The following CSMD1 variants were observed in gnomAD, a reference collection of about 807,000 sequenced individuals.
The protein encoded by CSMD1 is CUB and sushi domain-containing protein 1.
Under a neutral mutation model 417.5 loss-of-function variants are expected in CSMD1, and 213 were observed. That is an observed-to-expected ratio of 0.51 (90% CI 0.46 to 0.57). The LOEUF (loss-of-function observed/expected upper bound fraction) is 0.57. CSMD1 is among the 20% of genes least tolerant of loss of function. The pLI, the probability that CSMD1 is intolerant of heterozygous loss-of-function variation, is 0.00. For synonymous variants in CSMD1, 2,862 were observed against 1,736.8 expected, an observed-to-expected ratio of 1.65 and a Z score of -16.11; for missense variants, 6,923 against 4,529.7, an observed-to-expected ratio of 1.53 and a Z score of -15.17.
rs1178052250 is a variant in CSMD1 at position 3,211,290 on chromosome 8, C to G, written c.4867+3207G>C. Among the ~76,000 whole-genome samples the G allele has an allele frequency of 5.3e-5, 8 of 152,168 alleles. No individual in the cohort carries two copies. The East Asian group carries it at 1.4e-3, about 26-fold the overall frequency. Reference sequence around the variant, plus strand: ...GAATTCTGGTCCTCAAGCGATCCTCCTGCCTTAGTCTCTCAAAGTGCTGAG... The same window carrying G: ...GAATTCTGGTCCTCAAGCGATCCTCGTGCCTTAGTCTCTCAAAGTGCTGAG... On this transcript the variant is annotated intron_variant, in intron 30 of 69. Transcript: ENST00000635120.
chr8:3,333,897 C>T (rs1563282353), intron 23 of CSMD1, among the ~76,000 whole-genome samples: 1 of 152,194 alleles, frequency 6.6e-6, no homozygotes, highest in Admixed American at 6.6e-5. Context: ...TCTGGGAAAT[C>T]TGTGAGTGTC....
At chr8:3,908,174 A>G (rs569857034) in intron 5 of CSMD1, among the ~76,000 whole-genome samples, 1 of 152,264 alleles carries the variant, frequency 6.6e-6, no homozygotes, top group South Asian at 2.1e-4. Flanking sequence ...TGCATCAATG[A>G]CCATGGGCCA....
intron 1 of CSMD1, among the ~76,000 whole-genome samples, chr8:4,962,988 C>T (rs557931994): frequency 9.1e-4 from 139 of 152,056 alleles, no homozygotes; most frequent in African/African-American, 3.0e-3. Context: ...AATCTAGTGA[C>T]GCTATATACG....
rs376669274 is a variant in CSMD1, at chr8:2,962,653, C to A, written c.9455-14G>T. 6.2e-7 allele frequency: 1 copy of A among 1,610,828 alleles called. No individual in the cohort carries two copies. Among genetic ancestry groups the A allele is most frequent in the Non-Finnish European group, 8.5e-7 (1 of 1,177,998 alleles). On this transcript the variant is annotated splice_polypyrimidine_tract_variant and intron_variant, in intron 60 of 69. Transcript: ENST00000635120. ...CGCAGAACACAGCTATGGAAGATAACCAGGAAGAAGTCAGCCTTCAACGTC... is the reference window on the plus strand; with the variant it reads ...CGCAGAACACAGCTATGGAAGATAAACAGGAAGAAGTCAGCCTTCAACGTC...
intron 11 of CSMD1, among the ~76,000 whole-genome samples, chr8:3,474,359 T>C (rs890597891): frequency 1.4e-4 from 21 of 152,168 alleles, no homozygotes; most frequent in African/African-American, 4.8e-4. Flanking sequence ...GTAAATGTTT[T>C]TGACCTCTCT....
chr8:4,402,248 A>G (rs549698217), intron 3 of CSMD1, among the ~76,000 whole-genome samples: 8 of 152,100 alleles, frequency 5.3e-5, no homozygotes, highest in Non-Finnish European at 7.3e-5. Context: ...CCCTCCAGGA[A>G]CATCATAAAC....
intron 2 of CSMD1, among the ~76,000 whole-genome samples, chr8:4,440,651 T>A (rs1798415129): frequency 6.6e-6 from 1 of 152,240 alleles, no homozygotes; most frequent in South Asian, 2.1e-4. Context: ...ATTGATTGCA[T>A]ACATTTGTGC....
rs550877468 is a variant in CSMD1 at position 4,737,499 on chromosome 8, TA to T, written c.86-99942del. 1.5e-3 allele frequency among the ~76,000 whole-genome samples: 230 copies of T among 151,704 alleles called. 6 individuals are homozygous for T. The South Asian group carries it at 0.039, about 26-fold the overall frequency. Reference sequence around the variant, plus strand: ...GTACCCCTGAAGTTAAAATAACAATTAAAAAAAAACATAAAACATCATTACC... The same window carrying T: ...GTACCCCTGAAGTTAAAATAACAATTAAAAAAAACATAAAACATCATTACC... On this transcript the variant is annotated intron_variant, in intron 1 of 69. Coordinates refer to ENST00000635120, the MANE Select transcript of CSMD1 (RefSeq NM_033225.6).
intron 30 of CSMD1, among the ~76,000 whole-genome samples, chr8:3,206,802 G>C (rs1797319870): frequency 6.6e-6 from 1 of 152,118 alleles, no homozygotes; most frequent in African/African-American, 2.4e-5. Context: ...ACTGTACACA[G>C]ATGTTCAATG....
chr8:3,162,192 G>T lies in CSMD1; in HGVS notation c.5811C>A (p.Leu1937=). Residue 1937 remains leucine (L), a synonymous_variant, in exon 38 of 70, where the codon CTC becomes CTA. Transcript: ENST00000635120. ...TGTACCCGGGCTCGCACTGGAAGGAGAGCACGTCGTTCACCATGTACCGAT... is the reference window on the plus strand; with the variant it reads ...TGTACCCGGGCTCGCACTGGAAGGATAGCACGTCGTTCACCATGTACCGAT... ...IGDRYMVNDV[L]SFQCEPGYTL... 1 of 1,610,170 alleles carries T rather than the reference G, an allele frequency of 6.2e-7. No homozygotes were observed. The highest frequency in any genetic ancestry group is 8.5e-7 in the Non-Finnish European group (1 of 1,178,270).
chr8:4,203,715 T>A (rs558715264), intron 3 of CSMD1, among the ~76,000 whole-genome samples: 1 of 151,970 alleles, frequency 6.6e-6, no homozygotes, highest in Non-Finnish European at 1.5e-5. Context: ...TACACACACA[T>A]ACACATCTGC....
intron 5 of CSMD1, among the ~76,000 whole-genome samples, chr8:3,889,383 A>G (rs1370301059): frequency 6.8e-6 from 1 of 146,524 alleles, no homozygotes; most frequent in Non-Finnish European, 1.5e-5. Flanking sequence ...TAAAATTTTA[A>G]TATTTTTTAC....
At chr8:3,863,893 A>G (rs1253196706) in intron 5 of CSMD1, among the ~76,000 whole-genome samples, 2 of 152,200 alleles carry the variant, frequency 1.3e-5, no homozygotes, top group African/African-American at 2.4e-5. Flanking sequence ...TATGATGACT[A>G]TAAAACTGAC....
At chr8:3,757,864 C>CAAAA (rs372733185) in intron 5 of CSMD1, among the ~76,000 whole-genome samples, 2,319 of 151,230 alleles carry the variant, frequency 0.015, 23 homozygotes, top group South Asian at 0.028. Flanking sequence ...AACAAACAAA[C>CAAAA]AAACAAAAAA....
chr8:4,787,932 G>A, intron 1 of CSMD1: 1 of 1,593,388 alleles, frequency 6.3e-7, no homozygotes, highest in Non-Finnish European at 8.6e-7. Context: ...TCTTGCTGAT[G>A]TAATTGACAA....
intron 3 of CSMD1, among the ~76,000 whole-genome samples, chr8:4,084,255 A>G (rs1398432342): frequency 6.6e-6 from 1 of 152,138 alleles, no homozygotes; most frequent in Admixed American, 6.6e-5. Context: ...AAAATAAATA[A>G]AAGTGAAAAG....
At chr8:3,737,094 T>C (rs898748173) in intron 6 of CSMD1, among the ~76,000 whole-genome samples, 3 of 152,346 alleles carry the variant, frequency 2.0e-5, no homozygotes, top group Middle Eastern at 3.4e-3. Flanking sequence ...ATTATAGTCA[T>C]GTAACTACAA....
At chr8:4,787,403 G>C (rs1043084552) in intron 1 of CSMD1, 1 of 741,544 alleles carries the variant, frequency 1.3e-6, no homozygotes, top group Non-Finnish European at 2.5e-6. Context: ...TCTACGAAAA[G>C]TCCTCCTGCA....
chr8:3,098,397 T>A (rs1815488283), intron 46 of CSMD1, among the ~76,000 whole-genome samples: 3 of 152,234 alleles, frequency 2.0e-5, no homozygotes, highest in Admixed American at 2.0e-4. Context: ...ATTTATTTCC[T>A]ATTTTCTTCC....
Sources: gnomAD v4.1 joint callset for allele counts (sites outside exome capture counted in the v4.1 genomes callset) on GRCh38, gnomAD v4.1.1 for gene constraint, MANE v1.5 for transcripts, NCBI Gene and HGNC (gene_info 2026-07-23, HGNC 2026-07-21) for gene names.